The following CSMD1 variants were observed in gnomAD, a reference collection of about 807,000 sequenced individuals.
CSMD1 encodes CUB and sushi domain-containing protein 1.
In CSMD1, 213 loss-of-function variants were observed where a neutral mutation model predicts 417.5. That is an observed-to-expected ratio of 0.51 (90% CI 0.46 to 0.57). The LOEUF (loss-of-function observed/expected upper bound fraction) is 0.57, where lower values mean the gene tolerates loss of function less well. Among genes scored for constraint, CSMD1 ranks in the 20% least tolerant of loss-of-function variants. The pLI is 0.00. For missense variants in CSMD1, 6,923 were observed against 4,529.7 expected (o/e 1.53, Z -15.17); for synonymous variants, 2,862 against 1,736.8 (o/e 1.65, Z -16.11).
At chr8:3,018,345 TG>T in intron 52 of CSMD1, 131 bp downstream of exon 52, 2 of 750,028 alleles carry the variant, frequency 2.7e-6, no homozygotes, top group Non-Finnish European at 4.2e-6. Context: ...AAAATCACAC[TG>T]GGAGGTGCAG....
intron 6 of CSMD1, among the ~76,000 whole-genome samples, chr8:3,716,477 G>C (rs1169936806): frequency 1.3e-5 from 2 of 152,194 alleles, no homozygotes; most frequent in South Asian, 4.1e-4. Flanking sequence ...GTAACTTTGT[G>C]ATGCTGCATT....
intron 3 of CSMD1, among the ~76,000 whole-genome samples, chr8:4,161,138 T>C (rs1198041389): frequency 2.0e-5 from 3 of 151,522 alleles, no homozygotes; most frequent in East Asian, 2.0e-4. Flanking sequence ...AAAAAAGTCA[T>C]GTCTTAAGAC....
intron 3 of CSMD1, among the ~76,000 whole-genome samples, chr8:4,205,894 A>T (rs1232368382): frequency 6.6e-6 from 1 of 152,186 alleles, no homozygotes; most frequent in Admixed American, 6.5e-5. Context: ...CACTGTGCAG[A>T]AAATCAGTAC....
chr8:4,449,876 G>A (rs149550670), intron 2 of CSMD1, among the ~76,000 whole-genome samples: 20 of 152,222 alleles, frequency 1.3e-4, no homozygotes, highest in African/African-American at 4.8e-4. Flanking sequence ...TCTTTACTTA[G>A]CAATCTCAAC....
rs1458481826 is a variant in CSMD1 at position 4,943,523 on chromosome 8, TAAAATAAAATA to T, written c.85+50798_85+50808del. ...AAAAATAAAATGAAATAAAATAAAATAAAATAAAATAAAATAAAATCATCACCTCTCTGTAA... is the reference window on the plus strand; with the variant it reads ...AAAAATAAAATGAAATAAAATAAAATAAATAAAATCATCACCTCTCTGTAA... On this transcript the variant is annotated intron_variant, in intron 1 of 69. Transcript: ENST00000635120. Among the ~76,000 whole-genome samples the T allele has an allele frequency of 5.3e-4, 56 of 105,174 alleles. 1 individual carries two copies. In the East Asian group the frequency reaches 0.012, roughly 22 times the overall value. The allele number at this position is 105,174 out of a possible 152,430, so 69.0% of individuals were successfully genotyped here.
chr8:4,555,523 C>T (rs749128888), intron 2 of CSMD1, among the ~76,000 whole-genome samples: 30 of 152,278 alleles, frequency 2.0e-4, no homozygotes, highest in Admixed American at 1.8e-3. Context: ...TTCTACTCTC[C>T]ATCTGCATCC....
At chr8:3,790,253 A>G (rs1447287820) in intron 5 of CSMD1, among the ~76,000 whole-genome samples, 2 of 152,204 alleles carry the variant, frequency 1.3e-5, no homozygotes, top group African/African-American at 4.8e-5. Flanking sequence ...TGCATTATCA[A>G]TCAAACTGAA....
intron 15 of CSMD1, among the ~76,000 whole-genome samples, chr8:3,404,453 T>G (rs755687693): frequency 2.6e-5 from 4 of 151,980 alleles, no homozygotes; most frequent in Non-Finnish European, 4.4e-5. Context: ...CATACTGTGG[T>G]TGTCATGGAG....
At chr8:4,683,431 A>G (rs2116724421) in intron 1 of CSMD1, among the ~76,000 whole-genome samples, 1 of 152,272 alleles carries the variant, frequency 6.6e-6, no homozygotes, top group East Asian at 1.9e-4. Flanking sequence ...TATATCCTGA[A>G]GGACACACTT....
intron 5 of CSMD1, among the ~76,000 whole-genome samples, chr8:3,954,640 G>A (rs537404228): frequency 7.9e-5 from 12 of 152,358 alleles, no homozygotes; most frequent in African/African-American, 2.9e-4. Context: ...GGGATTACAG[G>A]CGTGAGCCAC....
Position 4,477,103 on chromosome 8 carries a change from C to T in CSMD1, c.303-57038G>A, listed in dbSNP as rs184784354. Among the ~76,000 whole-genome samples, 415 of 152,332 alleles carry T rather than the reference C, an allele frequency of 2.7e-3. 3 individuals carry two copies. The highest frequency in any genetic ancestry group is 0.024 in the South Asian group (116 of 4,832). ...GGAAGAGCAGGTGTGAGCACTCCTT[C>T]CCACCACCTGTCTCTTAAGAGTCAC... is the stretch of plus-strand genomic sequence containing the variant. On this transcript the variant is annotated intron_variant, in intron 2 of 69. Coordinates refer to ENST00000635120, the MANE Select transcript of CSMD1 (RefSeq NM_033225.6).
At chr8:4,766,884 G>A (rs1421014835) in intron 1 of CSMD1, among the ~76,000 whole-genome samples, 1 of 152,130 alleles carries the variant, frequency 6.6e-6, no homozygotes, top group Admixed American at 6.6e-5. Context: ...TAAATCTTAT[G>A]TTGATATTTT....
chr8:4,973,085 G>C (rs1016889629), intron 1 of CSMD1, among the ~76,000 whole-genome samples: 3 of 151,776 alleles, frequency 2.0e-5, no homozygotes, highest in East Asian at 3.9e-4. Context: ...AGAGTGCTTG[G>C]GCAATCAAAG....
chr8:3,293,359 T>C (rs1021713240), intron 25 of CSMD1, among the ~76,000 whole-genome samples: 3 of 152,174 alleles, frequency 2.0e-5, no homozygotes, highest in Non-Finnish European at 2.9e-5. Flanking sequence ...TTTCCTGAAT[T>C]TGAATGTTGG....
At chr8:4,110,637 G>GA (rs61199442) in intron 3 of CSMD1, among the ~76,000 whole-genome samples, 12 of 152,058 alleles carry the variant, frequency 7.9e-5, no homozygotes, top group Non-Finnish European at 1.6e-4. Context: ...GATATATACA[G>GA]GTGTGTGTGT....
chr8:3,419,002 A>G (rs532533746), intron 12 of CSMD1, among the ~76,000 whole-genome samples: 1 of 152,346 alleles, frequency 6.6e-6, no homozygotes, highest in East Asian at 1.9e-4. Flanking sequence ...ATCTTGCTAT[A>G]GTGTTCCTTT....
In CSMD1 at chr8:3,749,419, C is replaced by G. The variant is rs181741147; in HGVS notation, c.931+4511G>C. Among the ~76,000 whole-genome samples the G allele has an allele frequency of 7.9e-5, 12 of 152,194 alleles. No individual in the cohort carries two copies. In the East Asian group the frequency reaches 2.3e-3, roughly 29 times the overall value. ...AGAACAGTTTTACTTGTCAAGCAAC[C>G]TTACTACTGCTTCTGACATGACTTG... On this transcript the variant is annotated intron_variant, in intron 6 of 69. Coordinates refer to ENST00000635120, the MANE Select transcript of CSMD1 (RefSeq NM_033225.6).
intron 3 of CSMD1, among the ~76,000 whole-genome samples, chr8:4,238,168 G>C (rs576049489): frequency 1.3e-5 from 2 of 152,308 alleles, no homozygotes; most frequent in African/African-American, 4.8e-5. Flanking sequence ...AATCCCAAAG[G>C]ACATCTTAGA....
intron 3 of CSMD1, among the ~76,000 whole-genome samples, chr8:4,397,643 G>C (rs1239663593): frequency 7.3e-6 from 1 of 137,624 alleles, no homozygotes; most frequent in African/African-American, 2.7e-5. Flanking sequence ...TGCATCACTT[G>C]TTCTAAGATT....
Sources: gnomAD v4.1 joint callset for allele counts (sites outside exome capture counted in the v4.1 genomes callset) on GRCh38, gnomAD v4.1.1 for gene constraint, MANE v1.5 for transcripts, NCBI Gene and HGNC (gene_info 2026-07-23, HGNC 2026-07-21) for gene names.